Variants in RAPGEF2 observed in about 807,000 individuals in gnomAD.
RAPGEF2 encodes PDZ domain containing guanine nucleotide exchange factor (GEF) 1.
RAPGEF2 carries 54 observed loss-of-function variants against 186.7 expected under a neutral mutation model. The ratio of observed to expected loss-of-function variants is 0.29; its 90% CI spans 0.23 to 0.36. The LOEUF (loss-of-function observed/expected upper bound fraction) is 0.36, where lower values mean the gene tolerates loss of function less well. RAPGEF2 is among the 10% of genes least tolerant of loss of function. The pLI is 1.00. For synonymous variants in RAPGEF2, 712 were observed against 705.9 expected (o/e 1.01, Z -0.14); for missense variants, 1,532 against 2,045.0 (o/e 0.75, Z 4.84).
At chr4:159,336,737 A>C (rs1022507398) in intron 17 of RAPGEF2, among the ~76,000 whole-genome samples, 1 of 146,124 alleles carries the variant, frequency 6.8e-6, no homozygotes, top group African/African-American at 2.7e-5. Flanking sequence ...TTCCATTTTC[A>C]AAAAAAAAAG....
At chr4:159,299,075 C>G in intron 7 of RAPGEF2, among the ~76,000 whole-genome samples, 1 of 152,140 alleles carries the variant, frequency 6.6e-6, no homozygotes, top group East Asian at 1.9e-4. Context: ...CATAAAGACT[C>G]AAAACCCTGA....
chr4:159,315,101 A>T (rs1764404260), intron 9 of RAPGEF2, among the ~76,000 whole-genome samples: 1 of 151,716 alleles, frequency 6.6e-6, no homozygotes, highest in South Asian at 2.1e-4. Flanking sequence ...TCTCGTGAGC[A>T]CTGTTTTTAT....
At chr4:159,158,052 T>C (rs1043172459) in intron 1 of RAPGEF2, among the ~76,000 whole-genome samples, 2 of 152,198 alleles carry the variant, frequency 1.3e-5, no homozygotes, top group Non-Finnish European at 2.9e-5. Context: ...ACTTGTTTTA[T>C]TTGACATTTC....
rs1737353604 is a variant in RAPGEF2, at chr4:159,103,102, G to A, written c.-1061G>A. 1 of 152,476 alleles carries A rather than the reference G, an allele frequency of 6.6e-6. No individual in the cohort carries two copies. The highest frequency in any genetic ancestry group is 1.5e-5 in the Non-Finnish European group (1 of 68,500). 9.4% of individuals were successfully genotyped at this position (152,476 alleles called of 1,614,324 possible). ...CTGAGGAGCGGCTCCGGCGGCCGGA[G>A]AAGGCGCAGGAGGAGGAAGAGGCGG... On this transcript the variant is annotated 5_prime_UTR_variant, in exon 1 of 30. Coordinates refer to ENST00000691494, the MANE Select transcript of RAPGEF2 (RefSeq NM_001394067.2).
chr4:159,183,207 A>G (rs949408192), intron 1 of RAPGEF2, among the ~76,000 whole-genome samples: 2 of 152,244 alleles, frequency 1.3e-5, no homozygotes, highest in Non-Finnish European at 2.9e-5. Context: ...AGACAGCGTG[A>G]TACAGGCATA....
intron 7 of RAPGEF2, among the ~76,000 whole-genome samples, chr4:159,286,377 C>G (rs1760496542): frequency 6.6e-6 from 1 of 152,146 alleles, no homozygotes; most frequent in Non-Finnish European, 1.5e-5. Context: ...GTTCCAAATA[C>G]CTAATAGTAC....
intron 1 of RAPGEF2, among the ~76,000 whole-genome samples, chr4:159,180,177 G>C (rs762497768): frequency 9.3e-4 from 141 of 152,164 alleles, no homozygotes; most frequent in Non-Finnish European, 1.3e-3. Flanking sequence ...TGCGATCTGT[G>C]GTAACTAATA....
intron 1 of RAPGEF2, among the ~76,000 whole-genome samples, chr4:159,140,669 A>G (rs756253685): frequency 2.2e-4 from 33 of 152,288 alleles, no homozygotes; most frequent in Admixed American, 6.5e-4. Context: ...CTAGTAGACA[A>G]AGAAATAGGA....
chr4:159,168,717 C>T (rs765344014), intron 1 of RAPGEF2, among the ~76,000 whole-genome samples: 8 of 152,066 alleles, frequency 5.3e-5, no homozygotes, highest in East Asian at 3.9e-4. Flanking sequence ...GATACGGTCA[C>T]GTTTCATTAT....
chr4:159,284,487 C>G (rs1339801122), intron 7 of RAPGEF2, among the ~76,000 whole-genome samples: 1 of 1,098 alleles, frequency 9.1e-4, no homozygotes, highest in East Asian at 6.1e-3. Flanking sequence ...TGGAGACACA[C>G]ACACACACAC....
At chr4:159,164,334 A>G (rs1036700203) in intron 1 of RAPGEF2, among the ~76,000 whole-genome samples, 2 of 135,924 alleles carry the variant, frequency 1.5e-5, no homozygotes. Context: ...CTTCTTCTTT[A>G]TTAAACGGGA....
In RAPGEF2 at chr4:159,334,778, C is replaced by T. The variant is rs150699010; in HGVS notation, c.2135+2081C>T. On this transcript the variant is annotated intron_variant, in intron 17 of 29. Transcript: ENST00000691494. Reference sequence around the variant, plus strand: ...TTTGTTCTATGTGTATTTAGAAATACTCAAAAGCTAGACAAGGGAAAAGAA... The same window carrying T: ...TTTGTTCTATGTGTATTTAGAAATATTCAAAAGCTAGACAAGGGAAAAGAA... 2.6e-3 allele frequency among the ~76,000 whole-genome samples: 398 copies of T among 152,178 alleles called. 2 individuals carry two copies. Among genetic ancestry groups the T allele is most frequent in the African/African-American group, 9.1e-3 (376 of 41,504 alleles).
chr4:159,348,075 G>C (rs898195450), intron 25 of RAPGEF2, among the ~76,000 whole-genome samples: 1 of 152,116 alleles, frequency 6.6e-6, no homozygotes, highest in African/African-American at 2.4e-5. Context: ...ACAAAACTTA[G>C]CCTGGCGTGA....
At chr4:159,191,781 A>T (rs1007415559) in intron 2 of RAPGEF2, among the ~76,000 whole-genome samples, 1 of 152,122 alleles carries the variant, frequency 6.6e-6, no homozygotes. Flanking sequence ...AGACAACTCT[A>T]AAAGATTTTC....
At position 159,104,173 on chromosome 4, in the gene RAPGEF2, A is replaced by G; in HGVS notation, c.11A>G (p.Tyr4Cys). 2 of 1,526,898 alleles carry G rather than the reference A, an allele frequency of 1.3e-6. No homozygotes were observed. Among genetic ancestry groups the G allele is most frequent in the Non-Finnish European group, 1.8e-6 (2 of 1,141,576 alleles). 94.6% of individuals were successfully genotyped at this position (1,526,898 alleles called of 1,614,324 possible). Residue 4 changes from tyrosine to cysteine, a missense_variant, in exon 1 of 30, where the codon TAC (tyrosine) becomes TGC (cysteine). Transcript: ENST00000691494. ...GCTCCCAGAGGGGAGATGGCGTCCT[A>G]CGTAGATAACAGCTTCCGCCAGGCG... is the stretch of plus-strand genomic sequence containing the variant. MAS[Y>C]VDNSFRQAVM... is the part of the protein sequence containing the mutation.
intron 20 of RAPGEF2, among the ~76,000 whole-genome samples, chr4:159,342,713 C>CAGGTG (rs1336012693): frequency 1.3e-5 from 2 of 151,672 alleles, no homozygotes; most frequent in East Asian, 3.9e-4. Flanking sequence ...AACAAAGCAT[C>CAGGTG]AATACTTACA....
intron 29 of RAPGEF2, among the ~76,000 whole-genome samples, chr4:159,356,795 G>A (rs2111355739): frequency 6.6e-6 from 1 of 152,226 alleles, no homozygotes; most frequent in African/African-American, 2.4e-5. Context: ...CAGCTGCTCG[G>A]GAGGCTGAGG....
At chr4:159,105,366 G>T (rs919759278) in intron 1 of RAPGEF2, among the ~76,000 whole-genome samples, 1 of 152,184 alleles carries the variant, frequency 6.6e-6, no homozygotes, top group Admixed American at 6.5e-5. Flanking sequence ...CTTCTCTGAT[G>T]TTGATTATTA....
chr4:159,258,251 G>C (rs765236225), intron 7 of RAPGEF2, among the ~76,000 whole-genome samples: 22 of 152,264 alleles, frequency 1.4e-4, no homozygotes, highest in South Asian at 8.3e-4. Flanking sequence ...AATTAGGTGT[G>C]TGTTTTGTTT....
Sources: gnomAD v4.1 joint callset for allele counts (sites outside exome capture counted in the v4.1 genomes callset) on GRCh38, gnomAD v4.1.1 for gene constraint, MANE v1.5 for transcripts, NCBI Gene and HGNC (gene_info 2026-07-23, HGNC 2026-07-21) for gene names.